The following AMPH variants were observed in gnomAD, a reference collection of about 807,000 sequenced individuals.
AMPH encodes amphiphysin.
In AMPH, 49 loss-of-function variants were observed where a neutral mutation model predicts 99.1. The ratio of observed to expected loss-of-function variants is 0.49; its 90% CI spans 0.39 to 0.63. The LOEUF (loss-of-function observed/expected upper bound fraction) is 0.63. AMPH is among the 20% of genes least tolerant of loss of function. The probability of loss-of-function intolerance (pLI) is 0.00; values close to 1 mark genes in which losing one functional copy is unlikely to be tolerated. For missense variants in AMPH, 759 were observed against 863.4 expected (o/e 0.88, Z 1.52); for synonymous variants, 314 against 317.3 (o/e 0.99, Z 0.11).
intron 14 of AMPH, chr7:38,428,630 C>T (rs541098190): frequency 2.6e-5 from 12 of 456,620 alleles, no homozygotes; most frequent in South Asian, 1.9e-4. Flanking sequence ...AATCCCATCC[C>T]TCAGGGCTGC....
At chr7:38,611,804 C>T (rs1322980349) in intron 1 of AMPH, among the ~76,000 whole-genome samples, 3 of 152,258 alleles carry the variant, frequency 2.0e-5, no homozygotes, top group East Asian at 1.9e-4. Context: ...AATATTTTTC[C>T]GGTGCATGGG....
intron 1 of AMPH, among the ~76,000 whole-genome samples, chr7:38,575,135 C>T (rs1266156440): frequency 6.6e-6 from 1 of 151,642 alleles, no homozygotes; most frequent in Non-Finnish European, 1.5e-5. Context: ...TCTCAAGTTT[C>T]CTGTTGCATC....
intron 1 of AMPH, among the ~76,000 whole-genome samples, chr7:38,543,449 T>C (rs1272240918): frequency 6.6e-6 from 1 of 152,222 alleles, no homozygotes; most frequent in South Asian, 2.1e-4. Flanking sequence ...AATATGTTCT[T>C]GCTTTTTTTC....
At chr7:38,420,904 C>T in intron 16 of AMPH, 1 of 454,052 alleles carries the variant, frequency 2.2e-6, no homozygotes, top group Non-Finnish European at 4.4e-6. Flanking sequence ...ACCAACTTCA[C>T]CCCCTACCTC....
At chr7:38,396,431 T>C (rs1032353491) in intron 17 of AMPH, among the ~76,000 whole-genome samples, 2 of 152,222 alleles carry the variant, frequency 1.3e-5, no homozygotes, top group African/African-American at 2.4e-5. Flanking sequence ...TCCCCAGCTA[T>C]GTGGAACTGT....
intron 2 of AMPH, among the ~76,000 whole-genome samples, chr7:38,527,641 G>C (rs1213121891): frequency 6.6e-6 from 1 of 152,078 alleles, no homozygotes; most frequent in African/African-American, 2.4e-5. Context: ...TAGTATTTTC[G>C]TTGACGTCTT....
intron 1 of AMPH, among the ~76,000 whole-genome samples, chr7:38,579,321 T>C (rs1426182592): frequency 6.6e-6 from 1 of 152,214 alleles, no homozygotes; most frequent in African/African-American, 2.4e-5. Flanking sequence ...ACTGGGATGT[T>C]GGTCCAGTGG....
At chr7:38,466,277 A>G (rs773300699) in intron 7 of AMPH, 29 bp from the exon 8 acceptor site, 2 of 1,544,482 alleles carry the variant, frequency 1.3e-6, no homozygotes, top group Non-Finnish European at 1.8e-6. Flanking sequence ...AAGAGGAAAG[A>G]AGAGAGAGGG....
rs1787681142 is a variant in AMPH at position 38,466,979 on chromosome 7, C to A, written c.591-731G>T. ...TACAGTGATCATGTGACCCTGACTT[C>A]ATATATTTTTCTTTTAATTGATTTT... is the stretch of plus-strand genomic sequence containing the variant. On this transcript the variant is annotated intron_variant, in intron 7 of 20. Transcript: ENST00000356264. Among the ~76,000 whole-genome samples, 2 of 152,198 alleles carry A rather than the reference C, an allele frequency of 1.3e-5. 1 individual carries two copies. Among genetic ancestry groups the A allele is most frequent in the South Asian group, 4.1e-4 (2 of 4,828 alleles).
rs186639936 is a variant in AMPH at position 38,623,996 on chromosome 7, T to C, written c.69+7287A>G. ...TATAGCATTCCCACCATGTATAGAATCCATAAGGGTAATTACATTTGCTGT... is the reference window on the plus strand; with the variant it reads ...TATAGCATTCCCACCATGTATAGAACCCATAAGGGTAATTACATTTGCTGT... On this transcript the variant is annotated intron_variant, in intron 1 of 20. Coordinates refer to ENST00000356264, the MANE Select transcript of AMPH (RefSeq NM_001635.4). Among the ~76,000 whole-genome samples the C allele has an allele frequency of 2.2e-4, 33 of 152,308 alleles. No homozygotes were observed. The East Asian group carries it at 6.4e-3, about 29-fold the overall frequency.
chr7:38,469,106 A>G lies in AMPH; in HGVS notation c.591-2858T>C, dbSNP rs1465463679. Reference sequence around the variant, plus strand: ...GAGGCGGAGCTTGCAGTGAGCCGAGATCCCGCCACTGCACTCCAGCCTGGG... The same window carrying G: ...GAGGCGGAGCTTGCAGTGAGCCGAGGTCCCGCCACTGCACTCCAGCCTGGG... On this transcript the variant is annotated intron_variant, in intron 7 of 20. Coordinates refer to ENST00000356264, the MANE Select transcript of AMPH (RefSeq NM_001635.4). 3.3e-5 allele frequency among the ~76,000 whole-genome samples: 2 copies of G among 59,882 alleles called. 1 individual carries two copies. Among genetic ancestry groups the G allele is most frequent in the Non-Finnish European group, 5.8e-5 (2 of 34,316 alleles). The allele number at this position is 59,882 out of a possible 152,430, so 39.3% of individuals were successfully genotyped here. A position where few individuals can be genotyped will look rare whatever the true frequency, so the allele number is the denominator to read the frequency against.
intron 1 of AMPH, among the ~76,000 whole-genome samples, chr7:38,577,025 G>C (rs1361601416): frequency 6.6e-6 from 1 of 152,056 alleles, no homozygotes; most frequent in Non-Finnish European, 1.5e-5. Flanking sequence ...GATTTATATG[G>C]GGTTCTGGTC....
chr7:38,560,079 T>C (rs1791502509), intron 1 of AMPH, among the ~76,000 whole-genome samples: 1 of 152,258 alleles, frequency 6.6e-6, no homozygotes, highest in East Asian at 1.9e-4. Flanking sequence ...CTTCGCAGTG[T>C]GACCCTTCAG....
At chr7:38,547,978 C>CT (rs1562820254) in intron 1 of AMPH, among the ~76,000 whole-genome samples, 1 of 151,670 alleles carries the variant, frequency 6.6e-6, no homozygotes, top group African/African-American at 2.4e-5. Flanking sequence ...AGGGTGATGA[C>CT]TTTGAGTTCT....
At chr7:38,426,328 A>C (rs1409704801) in intron 15 of AMPH, among the ~76,000 whole-genome samples, 1 of 152,178 alleles carries the variant, frequency 6.6e-6, no homozygotes, top group Non-Finnish European at 1.5e-5. Flanking sequence ...TGGGACATAC[A>C]CATACACTGT....
chr7:38,441,763 T>C (rs930701164), intron 11 of AMPH, among the ~76,000 whole-genome samples: 1 of 142,456 alleles, frequency 7.0e-6, no homozygotes, highest in South Asian at 2.2e-4. Context: ...ATATATATCA[T>C]ATATATGATA....
At chr7:38,482,242 A>G (rs1405394683) in intron 5 of AMPH, among the ~76,000 whole-genome samples, 3 of 152,102 alleles carry the variant, frequency 2.0e-5, no homozygotes, top group African/African-American at 7.2e-5. Flanking sequence ...AGAGAGAGAG[A>G]GATTCAGCCT....
At chr7:38,441,812 T>TC (rs1786543833) in intron 11 of AMPH, among the ~76,000 whole-genome samples, 1 of 105,668 alleles carries the variant, frequency 9.5e-6, no homozygotes, top group African/African-American at 3.6e-5. Context: ...ATATATATCA[T>TC]ATATATCATA....
chr7:38,534,232 T>C (rs1220319234), intron 2 of AMPH, among the ~76,000 whole-genome samples: 4 of 152,146 alleles, frequency 2.6e-5, no homozygotes, highest in African/African-American at 7.2e-5. Flanking sequence ...AAGATATTAG[T>C]ATAATCCCTG....
Sources: gnomAD v4.1 joint callset for allele counts (sites outside exome capture counted in the v4.1 genomes callset) on GRCh38, gnomAD v4.1.1 for gene constraint, MANE v1.5 for transcripts, NCBI Gene and HGNC (gene_info 2026-07-23, HGNC 2026-07-21) for gene names.